Variants in GABRG3 observed in about 807,000 individuals in gnomAD.
GABRG3 encodes gamma-aminobutyric acid receptor subunit gamma-3.
GABRG3 carries 25 observed loss-of-function variants against 48.8 expected under a neutral mutation model. The observed-to-expected ratio is 0.51, with a 90% confidence interval of 0.37 to 0.72. GABRG3 has a LOEUF of 0.72. GABRG3 is among the 30% of genes least tolerant of loss of function. The probability of loss-of-function intolerance (pLI) is 0.00; values close to 1 mark genes in which losing one functional copy is unlikely to be tolerated. For synonymous variants in GABRG3, 227 were observed against 217.6 expected, an observed-to-expected ratio of 1.04 and a Z score of -0.38; for missense variants, 394 against 577.9, an observed-to-expected ratio of 0.68 and a Z score of 3.26.
chr15:27,259,458 C>T (rs1464556076), intron 3 of GABRG3, among the ~76,000 whole-genome samples: 2 of 152,192 alleles, frequency 1.3e-5, no homozygotes, highest in Non-Finnish European at 2.9e-5. Flanking sequence ...GTAGTCAGGA[C>T]ATAGCTTTAC....
intron 5 of GABRG3, among the ~76,000 whole-genome samples, chr15:27,465,952 A>G (rs1273617165): frequency 6.6e-6 from 1 of 152,208 alleles, no homozygotes; most frequent in African/African-American, 2.4e-5. Flanking sequence ...GTGTTTCAAA[A>G]ATACTGTTGT....
chr15:27,421,655 G>A (rs1888118026), intron 5 of GABRG3, among the ~76,000 whole-genome samples: 1 of 151,404 alleles, frequency 6.6e-6, no homozygotes. Context: ...CACCAATACT[G>A]AGTGTTCTGA....
At chr15:27,423,078 A>G (rs11631444) in intron 5 of GABRG3, among the ~76,000 whole-genome samples, 54,975 of 151,714 alleles carry the variant, frequency 0.36, 11,840 homozygotes, top group East Asian at 0.57. Flanking sequence ...CCACAGAGAC[A>G]CATCTTACTA....
At chr15:27,073,762 T>C (rs563795589) in intron 3 of GABRG3, among the ~76,000 whole-genome samples, 1 of 152,344 alleles carries the variant, frequency 6.6e-6, no homozygotes, top group Non-Finnish European at 1.5e-5. Context: ...TTGACTTGGC[T>C]GGGCCTTCTG....
chr15:27,514,463 C>T (rs946781409), intron 6 of GABRG3, among the ~76,000 whole-genome samples: 14 of 152,206 alleles, frequency 9.2e-5, no homozygotes, highest in African/African-American at 3.4e-4. Context: ...GACAGTCTCT[C>T]TCTTCATGAA....
intron 6 of GABRG3, among the ~76,000 whole-genome samples, chr15:27,495,398 CT>C (rs1444059416): frequency 6.6e-6 from 1 of 152,154 alleles, no homozygotes; most frequent in South Asian, 2.1e-4. Flanking sequence ...GATTCCACCT[CT>C]TGGCTATTGT....
chr15:27,170,933 T>C (rs924553516), intron 3 of GABRG3, among the ~76,000 whole-genome samples: 4 of 152,236 alleles, frequency 2.6e-5, no homozygotes, highest in Non-Finnish European at 5.9e-5. Flanking sequence ...AATTTTCAAA[T>C]TGAAAATATA....
intron 5 of GABRG3, among the ~76,000 whole-genome samples, chr15:27,462,073 C>T (rs1297593309): frequency 6.6e-6 from 1 of 152,132 alleles, no homozygotes; most frequent in African/African-American, 2.4e-5. Flanking sequence ...TTGTCTTCCT[C>T]GTTCTTCCTG....
At chr15:27,415,531 G>A (rs1887915677) in intron 5 of GABRG3, among the ~76,000 whole-genome samples, 1 of 152,120 alleles carries the variant, frequency 6.6e-6, no homozygotes, top group Non-Finnish European at 1.5e-5. Flanking sequence ...TGGGGACCGG[G>A]GGAAAGGGTG....
chr15:27,387,153 C>T (rs1030980738), intron 5 of GABRG3, among the ~76,000 whole-genome samples: 6 of 151,842 alleles, frequency 4.0e-5, no homozygotes, highest in African/African-American at 1.2e-4. Flanking sequence ...AAGTACAAAC[C>T]TTATTTGAGC....
chr15:27,487,726 G>A (rs1414535378), intron 6 of GABRG3, among the ~76,000 whole-genome samples: 2 of 152,138 alleles, frequency 1.3e-5, no homozygotes, highest in African/African-American at 2.4e-5. Flanking sequence ...TTGATCAGAA[G>A]GAAAGTCTTA....
rs1312573411 is a variant in GABRG3 at position 27,221,187 on chromosome 15, G to A, written c.271-105622G>A. Among the ~76,000 whole-genome samples, 5 of 152,244 alleles carry A rather than the reference G, an allele frequency of 3.3e-5. No individual in the cohort carries two copies. In the East Asian group the frequency reaches 9.7e-4, roughly 30 times the overall value. On this transcript the variant is annotated intron_variant, in intron 3 of 9. Coordinates refer to ENST00000615808, the MANE Select transcript of GABRG3 (RefSeq NM_033223.5). Reference sequence around the variant, plus strand: ...TTTGAGAGAGATCGACCTGTTCAGAGAGACAGAAGCATGATGCTTCTCCTT... The same window carrying A: ...TTTGAGAGAGATCGACCTGTTCAGAAAGACAGAAGCATGATGCTTCTCCTT...
At chr15:27,087,198 C>T (rs1336990586) in intron 3 of GABRG3, among the ~76,000 whole-genome samples, 1 of 152,138 alleles carries the variant, frequency 6.6e-6, no homozygotes, top group Non-Finnish European at 1.5e-5. Context: ...TGACATCGAG[C>T]GAGGCTGCTG....
chr15:27,408,104 C>T (rs1887692039), intron 5 of GABRG3, among the ~76,000 whole-genome samples: 1 of 152,068 alleles, frequency 6.6e-6, no homozygotes, highest in Non-Finnish European at 1.5e-5. Context: ...CCGAAAACTG[C>T]TTTAAAAAAT....
intron 5 of GABRG3, among the ~76,000 whole-genome samples, chr15:27,335,610 C>T (rs1893938317): frequency 6.6e-6 from 1 of 152,022 alleles, no homozygotes; most frequent in Non-Finnish European, 1.5e-5. Flanking sequence ...GCCTGCACCT[C>T]CATGAGGTAT....
At chr15:27,038,150 G>A (rs1896210649) in intron 3 of GABRG3, among the ~76,000 whole-genome samples, 1 of 152,076 alleles carries the variant, frequency 6.6e-6, no homozygotes, top group South Asian at 2.1e-4. Flanking sequence ...ACCTTAGACT[G>A]GGTAGTTTAC....
At chr15:26,997,753 G>A (rs572154598) in intron 2 of GABRG3, among the ~76,000 whole-genome samples, 3 of 152,284 alleles carry the variant, frequency 2.0e-5, no homozygotes, top group African/African-American at 7.2e-5. Flanking sequence ...CTTTGAGTTT[G>A]TTATCACAAT....
Position 27,480,732 on chromosome 15 carries a change from T to G in GABRG3, c.657T>G (p.Tyr219Ter). 6.2e-7 allele frequency: 1 copy of G among 1,613,682 alleles called. No individual in the cohort carries two copies. Among genetic ancestry groups the G allele is most frequent in the Non-Finnish European group, 8.5e-7 (1 of 1,179,762 alleles). The change falls in exon 6 of 10, where the codon TAT becomes TAG. Residue 219 changes from tyrosine (Y) to a stop codon, truncating the protein, a stop_gained. Transcript: ENST00000615808. LOFTEE classifies it high-confidence loss of function. ...CTGACCAGAAATCATGGCGGCTTTA[T>G]CAGTTTGACTTCATGGGCCTCAGAA... Reference protein sequence around the residue: ...EAADQKSWRLYQFDFMGLRNT... With the variant: ...EAADQKSWRL
chr15:27,113,019 A>G (rs946343458), intron 3 of GABRG3, among the ~76,000 whole-genome samples: 5 of 152,268 alleles, frequency 3.3e-5, no homozygotes, highest in South Asian at 2.1e-4. Context: ...TAGAATTCCT[A>G]CAATTCAGAT....
Sources: gnomAD v4.1 joint callset for allele counts (sites outside exome capture counted in the v4.1 genomes callset) on GRCh38, gnomAD v4.1.1 for gene constraint, MANE v1.5 for transcripts, NCBI Gene and HGNC (gene_info 2026-07-23, HGNC 2026-07-21) for gene names.